The following CNEP1R1 variants were observed in gnomAD, a reference collection of about 807,000 sequenced individuals.
CNEP1R1 encodes nuclear envelope phosphatase-regulatory subunit 1.
In CNEP1R1, 10 loss-of-function variants were observed where a neutral mutation model predicts 22.7. The ratio of observed to expected loss-of-function variants is 0.44; its 90% CI spans 0.27 to 0.75. The LOEUF (loss-of-function observed/expected upper bound fraction) is 0.75. CNEP1R1 is among the 30% of genes least tolerant of loss of function. The pLI, the probability that CNEP1R1 is intolerant of heterozygous loss-of-function variation, is 0.17. For synonymous variants in CNEP1R1, 53 were observed against 50.1 expected (o/e 1.06, Z -0.25); for missense variants, 73 against 151.5 (o/e 0.48, Z 2.72).
At position 50,026,283 on chromosome 16, in the gene CNEP1R1, A is replaced by G. The variant is rs2036182291; in HGVS notation, c.26-113A>G. On this transcript the variant is annotated intron_variant, in intron 1 of 5. Transcript: ENST00000427478. ...TGATACATGGAAGTTAGTGTGTAAG[A>G]CCTGAAGCAGTTAAGAGTATCTCAC... The G allele has an allele frequency of 3.5e-5, 25 of 709,342 alleles. No individual in the cohort carries two copies. The South Asian group carries it at 4.0e-4, about 11-fold the overall frequency. The allele number at this position is 709,342 out of a possible 1,614,324, so 43.9% of individuals were successfully genotyped here.
intron 2 of CNEP1R1, among the ~76,000 whole-genome samples, chr16:50,027,955 T>C (rs2036200995): frequency 6.6e-6 from 1 of 152,038 alleles, no homozygotes; most frequent in Non-Finnish European, 1.5e-5. Context: ...TTTGGAATAG[T>C]TTTTATTTGT....
intron 1 of CNEP1R1, chr16:50,025,596 A>T: frequency 6.8e-7 from 1 of 1,479,148 alleles, no homozygotes. Context: ...TCACTGGCAG[A>T]CACTTGCACT....
intron 5 of CNEP1R1, chr16:50,034,512 TTATC>T (rs2036259579): frequency 3.7e-6 from 1 of 269,780 alleles, no homozygotes; most frequent in Non-Finnish European, 7.1e-6. Flanking sequence ...CTACTGTTAT[TTATC>T]AAGTGATATG....
intron 1 of CNEP1R1, chr16:50,026,179 G>A: frequency 4.3e-6 from 2 of 461,856 alleles, no homozygotes; most frequent in Non-Finnish European, 7.7e-6. Context: ...TTTCTTATAT[G>A]AGAAATTGGA....
At chr16:50,027,185 C>T (rs2036192148) in intron 2 of CNEP1R1, among the ~76,000 whole-genome samples, 1 of 151,912 alleles carries the variant, frequency 6.6e-6, no homozygotes, top group South Asian at 2.1e-4. Flanking sequence ...TGGAGTATTG[C>T]TTGAGCATGG....
At position 50,029,740 on chromosome 16, in the gene CNEP1R1, T is replaced by C. The variant is rs777356226; in HGVS notation, c.113T>C (p.Val38Ala). 1 of 1,607,414 alleles carries C rather than the reference T, an allele frequency of 6.2e-7. No homozygotes were observed. The highest frequency in any genetic ancestry group is 1.7e-5 in the Admixed American group (1 of 59,624). The stretch of plus-strand genomic sequence containing the variant: ...CTTTCATCAGTGCTTCTTATAGTGG[T>C]ATCTGTCTGTACAGCTACTGGTGCC... ...TGRWRMLLIV[V>A]SVCTATGAWN... Residue 38 changes from valine to alanine, a missense_variant, in exon 3 of 6, where the codon GTA (valine) becomes GCA (alanine). By Grantham distance (64) the Val-to-Ala change is moderately conservative. Coordinates refer to ENST00000427478, the MANE Select transcript of CNEP1R1 (RefSeq NM_001281789.2).
chr16:50,028,486 G>A (rs535331810), intron 2 of CNEP1R1, among the ~76,000 whole-genome samples: 1 of 152,244 alleles, frequency 6.6e-6, no homozygotes, highest in East Asian at 1.9e-4. Context: ...GAGAATTCTG[G>A]TTGGTCAGAA....
chr16:50,031,785 G>A (rs189695354), intron 3 of CNEP1R1, among the ~76,000 whole-genome samples: 153 of 152,216 alleles, frequency 1.0e-3, no homozygotes, highest in African/African-American at 3.3e-3. Context: ...AACCTAGGGA[G>A]AGAAAGAATA....
At chr16:50,027,882 T>C (rs1174787152) in intron 2 of CNEP1R1, among the ~76,000 whole-genome samples, 1 of 152,142 alleles carries the variant, frequency 6.6e-6, no homozygotes, top group Non-Finnish European at 1.5e-5. Flanking sequence ...TGGAAATACA[T>C]AGGAAATGTG....
chr16:50,034,386 T>A (rs1031210756), intron 5 of CNEP1R1: 11 of 512,100 alleles, frequency 2.1e-5, no homozygotes, highest in Middle Eastern at 5.4e-4. Context: ...AATTTAATCT[T>A]TCTTAATGAC....
intron 5 of CNEP1R1, 61 bp from the exon 6 acceptor site, chr16:50,035,356 A>C (rs2036266509): frequency 1.1e-6 from 1 of 902,440 alleles, no homozygotes; most frequent in Admixed American, 2.0e-5. Context: ...GTTTATAAAT[A>C]AGCAGTGGTA....
rs1180841815 is a variant in CNEP1R1 at position 50,036,331 on chromosome 16, G to A, written c.*873G>A. ...TTTTTTTGTATTTTTAGTAGAGACG[G>A]GGTTTCACCACGTTGGCCAGGATGG... On this transcript the variant is annotated 3_prime_UTR_variant, in exon 6 of 6. Coordinates refer to ENST00000427478, the MANE Select transcript of CNEP1R1 (RefSeq NM_001281789.2). 1 of 117,216 alleles carries A rather than the reference G, an allele frequency of 8.5e-6. No homozygotes were observed. Among genetic ancestry groups the A allele is most frequent in the African/African-American group, 3.4e-5 (1 of 29,086 alleles). The allele number at this position is 117,216 out of a possible 1,614,324, so 7.3% of individuals were successfully genotyped here. A position where few individuals can be genotyped will look rare whatever the true frequency, so the allele number is the denominator to read the frequency against.
In CNEP1R1 at chr16:50,025,254, C is replaced by CG; in HGVS notation, c.-57dup. The CG allele has an allele frequency of 7.3e-7, 1 of 1,378,338 alleles. No individual in the cohort carries two copies. The allele number at this position is 1,378,338 out of a possible 1,614,324, so 85.4% of individuals were successfully genotyped here. A position where few individuals can be genotyped will look rare whatever the true frequency, so the allele number is the denominator to read the frequency against. On this transcript the variant is annotated 5_prime_UTR_variant, in exon 1 of 6. Transcript: ENST00000427478. ...GTGGGAGTTGGCGCTGCGGGCCGGG[C>CG]GGGGGCCGCGGAAGCTGCGATGCGG... is the stretch of plus-strand genomic sequence containing the variant.
In CNEP1R1 at chr16:50,029,846, G is replaced by C. The variant is rs1366646146; in HGVS notation, c.171+48G>C. 5 of 1,058,912 alleles carry C rather than the reference G, an allele frequency of 4.7e-6. No individual in the cohort carries two copies. In the East Asian group the frequency reaches 1.2e-4, roughly 25 times the overall value. The allele number at this position is 1,058,912 out of a possible 1,614,324, so 65.6% of individuals were successfully genotyped here. ...ATTAGCATAATTAAATGAGATAATG[G>C]ATATTGTAGTGCTTTGTTAATGATA... On this transcript the variant is annotated intron_variant, in intron 3 of 5. Coordinates refer to ENST00000427478, the MANE Select transcript of CNEP1R1 (RefSeq NM_001281789.2).
At chr16:50,032,184 G>A (rs149015971) in intron 3 of CNEP1R1, among the ~76,000 whole-genome samples, 6 of 152,278 alleles carry the variant, frequency 3.9e-5, no homozygotes, top group East Asian at 3.9e-4. Context: ...GAGTGGGGAT[G>A]TGCTTAACTT....
intron 4 of CNEP1R1, 149 bp from the exon 5 acceptor site, chr16:50,033,953 G>A (rs1026367667): frequency 5.1e-5 from 29 of 569,886 alleles, no homozygotes; most frequent in South Asian, 3.5e-4. Flanking sequence ...GCGCGATCTC[G>A]GATTAGCCAG....
At chr16:50,034,276 A>G in intron 5 of CNEP1R1, 120 bp downstream of exon 5, 1 of 672,120 alleles carries the variant, frequency 1.5e-6, no homozygotes, top group African/African-American at 1.8e-5. Context: ...TAGTGAGAAT[A>G]TACTTAGAGC....
At position 50,033,498 on chromosome 16, in the gene CNEP1R1, A is replaced by C; in HGVS notation, c.273A>C (p.Ala91=). 6.7e-7 allele frequency: 1 copy of C among 1,495,322 alleles called. No individual in the cohort carries two copies. The highest frequency in any genetic ancestry group is 9.3e-7 in the Non-Finnish European group (1 of 1,074,534). 92.6% of individuals were successfully genotyped at this position (1,495,322 alleles called of 1,614,324 possible). A position where few individuals can be genotyped will look rare whatever the true frequency, so the allele number is the denominator to read the frequency against. Residue 91 remains alanine, a synonymous_variant, in exon 4 of 6, where the codon GCA becomes GCC. Coordinates refer to ENST00000427478, the MANE Select transcript of CNEP1R1 (RefSeq NM_001281789.2). The stretch of plus-strand genomic sequence containing the variant: ...CTGGAATACACAAGAGAGTAGTTGC[A>C]CCATCAATGTATCCTTTACCAAGGA... ...FFAGIHKRVV[A]PSIIAARCRT...
chr16:50,033,592 G>GA, intron 4 of CNEP1R1, 86 bp downstream of exon 4: 1 of 681,770 alleles, frequency 1.5e-6, no homozygotes, highest in Non-Finnish European at 2.5e-6. Flanking sequence ...TGCCGGGCGT[G>GA]GTGGCTCACG....
Sources: allele counts gnomAD v4.1 joint callset (sites outside exome capture counted in the v4.1 genomes callset), GRCh38; gene constraint gnomAD v4.1.1; transcripts MANE v1.5; gene names NCBI Gene and HGNC (gene_info 2026-07-23, HGNC 2026-07-21).